APP: variants seen among roughly 807,000 people sequenced by gnomAD.
APP encodes the protein amyloid beta precursor protein, also known as amyloid-beta precursor protein.
Under a neutral mutation model 101.4 loss-of-function variants are expected in APP, and 31 were observed. The observed-to-expected ratio is 0.31, with a 90% CI of 0.23 to 0.41. APP has a LOEUF of 0.41. Among genes scored for constraint, APP ranks in the 10% least tolerant of loss-of-function variants. APP has a pLI of 1.00. For missense variants in APP, 839 were observed against 1,003.7 expected, an observed-to-expected ratio of 0.84 and a Z score of 2.22; for synonymous variants, 366 against 364.4, an observed-to-expected ratio of 1.00 and a Z score of -0.05.
intron 2 of APP, among the ~76,000 whole-genome samples, chr21:26,108,677 G>A (rs974119046): frequency 6.6e-6 from 1 of 152,174 alleles, no homozygotes; most frequent in Admixed American, 6.5e-5. Flanking sequence ...CGCAAGGTCA[G>A]GAGTTCGAGA....
chr21:26,044,106 A>ATTTT (rs2045498649), intron 5 of APP, among the ~76,000 whole-genome samples: 1 of 152,316 alleles, frequency 6.6e-6, no homozygotes, highest in Non-Finnish European at 1.5e-5. Flanking sequence ...AAATTATCAC[A>ATTTT]TTTTTATTGC....
intron 13 of APP, among the ~76,000 whole-genome samples, chr21:25,929,682 C>T (rs1167245888): frequency 6.6e-6 from 1 of 152,104 alleles, no homozygotes; most frequent in Non-Finnish European, 1.5e-5. Context: ...ATAACAGTAT[C>T]ACATTTCATT....
At chr21:25,913,156 C>T (rs2039168639) in intron 13 of APP, among the ~76,000 whole-genome samples, 1 of 152,072 alleles carries the variant, frequency 6.6e-6, no homozygotes, top group African/African-American at 2.4e-5. Flanking sequence ...TTTCTATTGA[C>T]AAAAAATGTA....
chr21:26,055,820 T>C (rs2046018306), intron 3 of APP, among the ~76,000 whole-genome samples: 1 of 152,116 alleles, frequency 6.6e-6, no homozygotes, highest in Non-Finnish European at 1.5e-5. Flanking sequence ...ACTAAATCAG[T>C]TCGTGAGAAG....
chr21:26,032,650 T>C (rs1311219273), intron 5 of APP, among the ~76,000 whole-genome samples: 1 of 152,236 alleles, frequency 6.6e-6, no homozygotes, highest in African/African-American at 2.4e-5. Context: ...AGTTAAATAC[T>C]GTGCCTATTT....
rs145289435 is a variant in APP, at chr21:25,935,764, C to T, written c.1687+18826G>A. On this transcript the variant is annotated intron_variant, in intron 13 of 17. Coordinates refer to ENST00000346798, the MANE Select transcript of APP (RefSeq NM_000484.4). ...CTGAGGCAGGAGAATCATTTGAAAC[C>T]GGGAGGCGGAGGCTGTAGTGAGCCG... Among the ~76,000 whole-genome samples, 537 of 135,446 alleles carry T rather than the reference C, an allele frequency of 4.0e-3. 1 individual carries two copies. Among genetic ancestry groups the T allele is most frequent in the African/African-American group, 0.014 (514 of 36,770 alleles). The allele number at this position is 135,446 out of a possible 152,430, so 88.9% of individuals were successfully genotyped here. A position where few individuals can be genotyped will look rare whatever the true frequency, so the allele number is the denominator to read the frequency against.
chr21:25,918,737 C>T (rs868271397), intron 13 of APP, among the ~76,000 whole-genome samples: 15 of 151,224 alleles, frequency 9.9e-5, no homozygotes, highest in African/African-American at 2.4e-4. Flanking sequence ...CCTACGCCCA[C>T]GGAATCGCGC....
intron 4 of APP, among the ~76,000 whole-genome samples, chr21:26,052,711 G>T (rs1225190906): frequency 6.6e-6 from 1 of 152,148 alleles, no homozygotes; most frequent in Non-Finnish European, 1.5e-5. Context: ...GAGCTTTCAG[G>T]CTGGTATAAA....
At chr21:26,150,140 A>C (rs1402867182) in intron 1 of APP, among the ~76,000 whole-genome samples, 2 of 152,164 alleles carry the variant, frequency 1.3e-5, no homozygotes, top group Admixed American at 6.5e-5. Flanking sequence ...AACCCAAAAG[A>C]AGCAGTTAGG....
At chr21:26,140,926 T>C (rs905123523) in intron 1 of APP, among the ~76,000 whole-genome samples, 3 of 152,202 alleles carry the variant, frequency 2.0e-5, no homozygotes, top group Non-Finnish European at 4.4e-5. Flanking sequence ...ATTCATTTAA[T>C]GGAGCATTCT....
At chr21:26,120,913 T>C (rs1171812352) in intron 1 of APP, among the ~76,000 whole-genome samples, 1 of 152,186 alleles carries the variant, frequency 6.6e-6, no homozygotes, top group African/African-American at 2.4e-5. Context: ...TTCATGCTAC[T>C]GCAATCACAC....
rs191494534 is a variant in APP at position 26,062,425 on chromosome 21, G to A, written c.356-9077C>T. ...CACCTATAATCCCAGCAATTTGGGA[G>A]GCCGAGGCAAGTGGATCACCTGAGG... On this transcript the variant is annotated intron_variant, in intron 3 of 17. Coordinates refer to ENST00000346798, the MANE Select transcript of APP (RefSeq NM_000484.4). Among the ~76,000 whole-genome samples the A allele has an allele frequency of 2.6e-3, 397 of 152,140 alleles. 4 individuals are homozygous for A. The highest frequency in any genetic ancestry group is 4.6e-3 in the Non-Finnish European group (314 of 68,008).
chr21:26,108,337 T>TA (rs1234569433), intron 2 of APP, among the ~76,000 whole-genome samples: 4 of 152,250 alleles, frequency 2.6e-5, no homozygotes, highest in African/African-American at 9.6e-5. Context: ...GTGATCATTT[T>TA]ACAGGTTTTC....
intron 4 of APP, 40 bp downstream of exon 4, chr21:26,053,196 A>G (rs1312907687): frequency 6.9e-7 from 1 of 1,438,890 alleles, no homozygotes; most frequent in Admixed American, 1.7e-5. Context: ...TCCCCAGGAA[A>G]TCTTCACTTT....
intron 6 of APP, among the ~76,000 whole-genome samples, chr21:26,005,043 A>C (rs2043471284): frequency 6.6e-6 from 1 of 152,100 alleles, no homozygotes; most frequent in Non-Finnish European, 1.5e-5. Context: ...TTCTTAATCC[A>C]GTCTATCATT....
chr21:26,042,434 G>A (rs183044602), intron 5 of APP, among the ~76,000 whole-genome samples: 2 of 152,290 alleles, frequency 1.3e-5, no homozygotes, highest in East Asian at 3.9e-4. Context: ...TACAAATCAT[G>A]TATTTGTGAA....
chr21:26,017,932 A>G (rs140074650), intron 6 of APP, among the ~76,000 whole-genome samples: 261 of 152,218 alleles, frequency 1.7e-3, no homozygotes, highest in Non-Finnish European at 2.2e-3. Flanking sequence ...AGATCTTGCA[A>G]TCGTGTGCTC....
chr21:25,979,358 A>G (rs1052946368), intron 9 of APP, among the ~76,000 whole-genome samples: 3 of 152,236 alleles, frequency 2.0e-5, no homozygotes, highest in African/African-American at 7.2e-5. Flanking sequence ...CACTGCAGGC[A>G]CAAAGGTATC....
rs773251655 is a variant in APP, at chr21:25,911,937, G to A, written c.1713C>T (p.Asn571=). ...TGTTGGCCAAGACGTCATCTGAATA[G>A]TTTTGCTCTTTCTGAAGCAGCTCAT... ...EVDELLQKEQ[N]YSDDVLANMI... is the part of the protein sequence containing the mutation. The change falls in exon 14 of 18, where the codon AAC becomes AAT. Residue 571 remains asparagine (N), a synonymous_variant. Coordinates refer to ENST00000346798, the MANE Select transcript of APP (RefSeq NM_000484.4). 1.2e-6 allele frequency: 2 copies of A among 1,614,042 alleles called. No homozygotes were observed. Among genetic ancestry groups the A allele is most frequent in the Non-Finnish European group, 1.7e-6 (2 of 1,180,016 alleles).
Sources: allele counts gnomAD v4.1 joint callset (sites outside exome capture counted in the v4.1 genomes callset), GRCh38; gene constraint gnomAD v4.1.1; transcripts MANE v1.5; gene names NCBI Gene and HGNC (gene_info 2026-07-23, HGNC 2026-07-21).